Variants in BMPER observed in about 807,000 individuals in gnomAD.
BMPER encodes BMP binding endothelial regulator, also known as BMP-binding endothelial regulator protein.
Under a neutral mutation model 87.3 loss-of-function variants are expected in BMPER, and 45 were observed. The observed-to-expected ratio is 0.52, with a 90% CI of 0.41 to 0.66. BMPER has a LOEUF of 0.66. BMPER is among the 30% of genes least tolerant of loss of function. The pLI is 0.00. For missense variants in BMPER, 784 were observed against 867.5 expected (o/e 0.90, Z 1.21); for synonymous variants, 326 against 316.2 (o/e 1.03, Z -0.33).
chr7:34,017,525 C>A (rs1787060058), intron 6 of BMPER, among the ~76,000 whole-genome samples: 1 of 151,916 alleles, frequency 6.6e-6, no homozygotes. Context: ...CAATTACCTA[C>A]CACTGGGTCC....
intron 6 of BMPER, among the ~76,000 whole-genome samples, chr7:33,992,006 T>G (rs1476345645): frequency 6.7e-6 from 1 of 150,214 alleles, no homozygotes; most frequent in African/African-American, 2.5e-5. Context: ...TTCTGTTCTT[T>G]TACATTTGCT....
At chr7:33,924,694 G>A (rs1784319630) in intron 2 of BMPER, among the ~76,000 whole-genome samples, 1 of 152,210 alleles carries the variant, frequency 6.6e-6, no homozygotes, top group South Asian at 2.1e-4. Flanking sequence ...GGAGGACGAA[G>A]TCTTGCTCTG....
intron 13 of BMPER, among the ~76,000 whole-genome samples, chr7:34,132,274 C>T (rs1162205803): frequency 2.0e-5 from 3 of 152,106 alleles, no homozygotes; most frequent in African/African-American, 7.2e-5. Context: ...CTAGTGCCCC[C>T]TTAATATGTT....
chr7:34,083,685 A>G (rs754488551), intron 12 of BMPER, among the ~76,000 whole-genome samples: 30 of 152,082 alleles, frequency 2.0e-4, no homozygotes, highest in Non-Finnish European at 4.1e-4. Context: ...CTTCAGGTGT[A>G]TTGGCTTAGG....
intron 11 of BMPER, among the ~76,000 whole-genome samples, chr7:34,066,614 T>C (rs887991221): frequency 7.9e-5 from 12 of 152,216 alleles, no homozygotes; most frequent in Non-Finnish European, 1.2e-4. Context: ...GCCACTTGCC[T>C]GTTTTGTGTG....
intron 13 of BMPER, among the ~76,000 whole-genome samples, chr7:34,100,532 G>C (rs1329729442): frequency 1.3e-5 from 2 of 152,182 alleles, no homozygotes; most frequent in Non-Finnish European, 2.9e-5. Context: ...CAAAGGCTCT[G>C]TGTGCTTCCT....
intron 6 of BMPER, among the ~76,000 whole-genome samples, chr7:34,031,914 A>G (rs1320882932): frequency 7.9e-6 from 1 of 126,474 alleles, no homozygotes; most frequent in Non-Finnish European, 1.6e-5. Context: ...ATATATATAT[A>G]TATATATATA....
At chr7:33,995,964 G>A (rs777362678) in intron 6 of BMPER, among the ~76,000 whole-genome samples, 15 of 152,208 alleles carry the variant, frequency 9.9e-5, no homozygotes, top group Non-Finnish European at 1.5e-4. Flanking sequence ...GCAAATAAGT[G>A]TACAGCTCCA....
At chr7:34,033,875 A>G (rs1048541426) in intron 6 of BMPER, among the ~76,000 whole-genome samples, 2 of 152,200 alleles carry the variant, frequency 1.3e-5, no homozygotes, top group Non-Finnish European at 2.9e-5. Context: ...CCTTCTAGTT[A>G]TGGTCTTAAA....
chr7:34,013,411 G>C (rs1370222491), intron 6 of BMPER, among the ~76,000 whole-genome samples: 1 of 150,994 alleles, frequency 6.6e-6, no homozygotes, highest in Non-Finnish European at 1.5e-5. Flanking sequence ...TTGATCTCCA[G>C]CGAAGGCGTC....
In BMPER at chr7:33,971,007, C is replaced by T. The variant is rs1785530349; in HGVS notation, c.493+588C>T. On this transcript the variant is annotated intron_variant, in intron 5 of 14. Transcript: ENST00000649409. ...TTACAAAGGCCTCCTGCATCTTTTC[C>T]TGCCCTTACATACAAGCCTGGGGCT... 2.0e-5 allele frequency among the ~76,000 whole-genome samples: 3 copies of T among 152,186 alleles called. No individual in the cohort carries two copies. In the South Asian group the frequency reaches 6.2e-4, roughly 31 times the overall value.
At chr7:34,039,790 A>G (rs568766555) in intron 6 of BMPER, among the ~76,000 whole-genome samples, 2 of 152,226 alleles carry the variant, frequency 1.3e-5, no homozygotes, top group Admixed American at 6.5e-5. Flanking sequence ...TGGGGCAGTA[A>G]GTGCACTGCC....
intron 6 of BMPER, among the ~76,000 whole-genome samples, chr7:34,031,327 C>T (rs1210696706): frequency 6.6e-6 from 1 of 152,010 alleles, no homozygotes; most frequent in African/African-American, 2.4e-5. Context: ...AAATGATTAT[C>T]CCCCAGCCTC....
chr7:34,116,127 C>T (rs1790112632), intron 13 of BMPER, among the ~76,000 whole-genome samples: 3 of 152,136 alleles, frequency 2.0e-5, no homozygotes, highest in African/African-American at 7.2e-5. Flanking sequence ...ATAACTCATT[C>T]CCTTTTAAGT....
chr7:34,012,668 A>G (rs982507621), intron 6 of BMPER, among the ~76,000 whole-genome samples: 4 of 151,942 alleles, frequency 2.6e-5, no homozygotes, highest in Non-Finnish European at 5.9e-5. Flanking sequence ...GAAAATATCA[A>G]TAATACTAAT....
chr7:33,960,762 A>G (rs906749267), intron 3 of BMPER, among the ~76,000 whole-genome samples: 3 of 152,242 alleles, frequency 2.0e-5, no homozygotes, highest in African/African-American at 7.2e-5. Context: ...AAGAGAAAAC[A>G]GGAGATCCAG....
At chr7:34,044,541 G>C (rs994788301) in intron 6 of BMPER, among the ~76,000 whole-genome samples, 3 of 152,084 alleles carry the variant, frequency 2.0e-5, no homozygotes, top group African/African-American at 7.2e-5. Context: ...TCTAAGCTGG[G>C]GCTGACCCCA....
At chr7:34,080,590 G>A (rs1450453120) in intron 12 of BMPER, among the ~76,000 whole-genome samples, 1 of 152,182 alleles carries the variant, frequency 6.6e-6, no homozygotes, top group Non-Finnish European at 1.5e-5. Context: ...ATGGCGCTCT[G>A]TAAATGTAGG....
At chr7:33,914,261 G>A (rs1470045395) in intron 2 of BMPER, among the ~76,000 whole-genome samples, 2 of 152,124 alleles carry the variant, frequency 1.3e-5, no homozygotes, top group African/African-American at 4.8e-5. Context: ...CACCGCGCCC[G>A]GCCTTCAGCA....
Sources: allele counts gnomAD v4.1 joint callset (sites outside exome capture counted in the v4.1 genomes callset), GRCh38; gene constraint gnomAD v4.1.1; transcripts MANE v1.5; gene names NCBI Gene and HGNC (gene_info 2026-07-23, HGNC 2026-07-21).